LRRC9: variants seen among roughly 807,000 people sequenced by gnomAD.
LRRC9 encodes leucine rich repeat containing 9.
LRRC9 carries 122 observed loss-of-function variants against 63.2 expected under a neutral mutation model. The observed-to-expected ratio is 1.93, with a 90% confidence interval of 1.67 to 2.24. LRRC9 has a LOEUF of 2.24. LRRC9 is among the 30% of genes most tolerant of loss of function. The pLI is 0.00. For synonymous variants in LRRC9, 366 were observed against 213.1 expected (o/e 1.72, Z -6.25); for missense variants, 1,071 against 627.7 (o/e 1.71, Z -7.55).
rs563964036 is a variant in LRRC9, at chr14:59,973,802, A to T, written c.1507-774A>T. 9.2e-5 allele frequency among the ~76,000 whole-genome samples: 14 copies of T among 152,166 alleles called. No individual in the cohort carries two copies. The South Asian group carries it at 2.9e-3, about 32-fold the overall frequency. ...TGTCTTTGGATTGCAGATTTCAATT[A>T]AAAAAATAAGTAATTTGGCATTTAC... On this transcript the variant is annotated intron_variant, in intron 12 of 31. Coordinates refer to ENST00000445360, the Ensembl canonical transcript of LRRC9.
At chr14:60,033,046 A>G (rs1305237779) in intron 29 of LRRC9, among the ~76,000 whole-genome samples, 1 of 152,160 alleles carries the variant, frequency 6.6e-6, no homozygotes, top group Non-Finnish European at 1.5e-5. Context: ...AATTTTCTCC[A>G]TAAAGATTTT....
intron 29 of LRRC9, among the ~76,000 whole-genome samples, chr14:60,035,414 T>C (rs1892349924): frequency 1.3e-5 from 2 of 152,136 alleles, no homozygotes; most frequent in African/African-American, 2.4e-5. Flanking sequence ...TTACACAATA[T>C]TTGCCCAAAT....
intron 24 of LRRC9, 51 bp downstream of exon 24, chr14:60,016,841 T>C (rs1363028969): frequency 1.7e-6 from 1 of 587,174 alleles, no homozygotes; most frequent in Non-Finnish European, 3.1e-6. Flanking sequence ...CATTATGTAA[T>C]TATTATCATT....
chr14:59,980,594 C>T (rs1886825114), intron 15 of LRRC9, among the ~76,000 whole-genome samples: 1 of 152,128 alleles, frequency 6.6e-6, no homozygotes, highest in Non-Finnish European at 1.5e-5. Flanking sequence ...GAACTGACTA[C>T]TTTGCTGTAT....
In LRRC9 at chr14:59,964,632, T is replaced by G. The variant is rs1482093631; in HGVS notation, c.1212-1957T>G. 6.6e-6 allele frequency among the ~76,000 whole-genome samples: 1 copy of G among 152,176 alleles called. No homozygotes were observed. The highest frequency in any genetic ancestry group is 1.5e-5 in the Non-Finnish European group (1 of 68,026). ...AAAACGCCTACAGCCCTAGTTTCTA[T>G]CAGAGTGCAGAAAGCTTCCAGGACA... is the stretch of plus-strand genomic sequence containing the variant. On this transcript the variant is annotated intron_variant, in intron 10 of 31. Transcript: ENST00000445360. The surrounding 1 kb of genome is among the most constrained non-coding windows in gnomAD (Gnocchi z 4.4).
chr14:59,938,892 C>A lies in LRRC9; in HGVS notation c.726+320C>A, dbSNP rs559022645. On this transcript the variant is annotated intron_variant, in intron 7 of 31. Coordinates refer to ENST00000445360, the Ensembl canonical transcript of LRRC9. This position sits in a 1 kb window ranked among gnomAD's most constrained non-coding sequence, Gnocchi z 4.2. Reference sequence around the variant, plus strand: ...CCATATATATATACACACATATATACACATATATATACATATATACACATA... The same window carrying A: ...CCATATATATATACACACATATATAAACATATATATACATATATACACATA... Among the ~76,000 whole-genome samples, 4 of 128,618 alleles carry A rather than the reference C, an allele frequency of 3.1e-5. No individual in the cohort carries two copies. The highest frequency in any genetic ancestry group is 6.5e-5 in the Non-Finnish European group (4 of 61,524). The allele number at this position is 128,618 out of a possible 152,430, so 84.4% of individuals were successfully genotyped here.
At chr14:60,057,778 A>G (rs1427588160) in intron 30 of LRRC9, 100 bp from the exon 31 acceptor site, 1 of 452,110 alleles carries the variant, frequency 2.2e-6, no homozygotes, top group African/African-American at 1.9e-5. Context: ...CCTGACTAAA[A>G]AGAATGTTGA....
chr14:59,927,998 C>A lies in LRRC9; in HGVS notation c.48+7C>A, dbSNP rs1889354215. 1 of 676,062 alleles carries A rather than the reference C, an allele frequency of 1.5e-6. No homozygotes were observed. Among genetic ancestry groups the A allele is most frequent in the Non-Finnish European group, 2.7e-6 (1 of 374,922 alleles). 41.9% of individuals were successfully genotyped at this position (676,062 alleles called of 1,614,324 possible). A position where few individuals can be genotyped will look rare whatever the true frequency, so the allele number is the denominator to read the frequency against. On this transcript the variant is annotated splice_region_variant and intron_variant, in intron 2 of 31. Transcript: ENST00000445360. The surrounding 1 kb of genome is among the most constrained non-coding windows in gnomAD (Gnocchi z 4.4). ...AGAAATAATTAAAGAACTGGTGAGTCAAAGTCAAATTTCTTTTAAATAACA... is the reference window on the plus strand; with the variant it reads ...AGAAATAATTAAAGAACTGGTGAGTAAAAGTCAAATTTCTTTTAAATAACA...
intron 13 of LRRC9, among the ~76,000 whole-genome samples, chr14:59,975,076 G>GTA: frequency 1.8e-5 from 1 of 54,850 alleles, no homozygotes; most frequent in African/African-American, 4.5e-5. Flanking sequence ...ATGTGTGTGT[G>GTA]TGTGTGTGTA....
At chr14:59,940,039 C>G (rs568633435) in intron 7 of LRRC9, among the ~76,000 whole-genome samples, 5 of 151,932 alleles carry the variant, frequency 3.3e-5, no homozygotes, top group Non-Finnish European at 7.4e-5. Flanking sequence ...AGAGAAGGAG[C>G]CTGCAGAGGA....
chr14:59,971,492 T>C (rs953394904), intron 12 of LRRC9, among the ~76,000 whole-genome samples: 2 of 152,182 alleles, frequency 1.3e-5, no homozygotes, highest in Admixed American at 6.5e-5. Flanking sequence ...TTGATAGGAA[T>C]AGCATTGACT....
intron 22 of LRRC9, among the ~76,000 whole-genome samples, chr14:60,007,252 C>T (rs1373633173): frequency 1.3e-5 from 2 of 152,110 alleles, no homozygotes; most frequent in Non-Finnish European, 2.9e-5. Flanking sequence ...CCATTCCGTT[C>T]CCCCAGTATA....
intron 23 of LRRC9, among the ~76,000 whole-genome samples, chr14:60,014,274 G>GT (rs1890498286): frequency 6.6e-6 from 1 of 151,868 alleles, no homozygotes; most frequent in Non-Finnish European, 1.5e-5. Flanking sequence ...CAATATTATA[G>GT]TTTTTTCACA....
chr14:59,943,316 AT>A (rs1249192887), intron 7 of LRRC9, among the ~76,000 whole-genome samples: 1 of 151,606 alleles, frequency 6.6e-6, no homozygotes. Flanking sequence ...TTTTGAGTTG[AT>A]TTTTGTATAT....
chr14:60,043,559 G>C (rs1304949385), intron 29 of LRRC9, among the ~76,000 whole-genome samples: 1 of 152,042 alleles, frequency 6.6e-6, no homozygotes, highest in East Asian at 1.9e-4. Context: ...TATGGTTTTT[G>C]TTCTTGATTC....
intron 8 of LRRC9, among the ~76,000 whole-genome samples, chr14:59,947,583 AC>A (rs1882594496): frequency 7.5e-6 from 1 of 133,762 alleles, no homozygotes. Context: ...GTCCTTGCCC[AC>A]GCCTATGTCC....
chr14:59,940,114 G>C (rs1881600150), intron 7 of LRRC9, among the ~76,000 whole-genome samples: 1 of 151,980 alleles, frequency 6.6e-6, no homozygotes, highest in Non-Finnish European at 1.5e-5. Flanking sequence ...ATTTGGTTCA[G>C]TCTTGTAAAC....
In LRRC9 at chr14:60,051,487, C is replaced by T. The variant is rs1051701291; in HGVS notation, c.3991-1578C>T. On this transcript the variant is annotated intron_variant, in intron 29 of 31. Transcript: ENST00000445360. The surrounding 1 kb of genome is among the most constrained non-coding windows in gnomAD (Gnocchi z 4.7). ...CACAGAAATGGCTGCCACCCTTTCC[C>T]CCAAGAACTGCTTCTGGTTTCAGGC... 3.9e-5 allele frequency among the ~76,000 whole-genome samples: 6 copies of T among 152,222 alleles called. No homozygotes were observed. Among genetic ancestry groups the T allele is most frequent in the African/African-American group, 1.2e-4 (5 of 41,466 alleles).
chr14:59,928,730 T>C (rs1010302501), intron 3 of LRRC9, among the ~76,000 whole-genome samples: 11 of 152,054 alleles, frequency 7.2e-5, no homozygotes, highest in African/African-American at 2.4e-4. Flanking sequence ...AACAGACACA[T>C]AGACCAATGG....
Sources: gnomAD v4.1 joint callset for allele counts (sites outside exome capture counted in the v4.1 genomes callset) on GRCh38, gnomAD v4.1.1 for gene constraint, Gnocchi (gnomAD v3.1) non-coding constraint, MANE v1.5 for transcripts, NCBI Gene and HGNC (gene_info 2026-07-23, HGNC 2026-07-21) for gene names.